Variants in NPC1L1 observed in about 807,000 individuals in gnomAD.
NPC1L1 encodes NPC1-like intracellular cholesterol transporter 1.
NPC1L1 carries 98 observed loss-of-function variants against 117.0 expected under a neutral mutation model. The observed-to-expected ratio is 0.84, with a 90% confidence interval of 0.71 to 0.99. The LOEUF (loss-of-function observed/expected upper bound fraction) is 0.99, where lower values mean the gene tolerates loss of function less well. Ranked by LOEUF, NPC1L1 falls within the 50% of genes least tolerant of loss-of-function variation. The pLI, the probability that NPC1L1 is intolerant of heterozygous loss-of-function variation, is 0.00. For missense variants in NPC1L1, 1,540 were observed against 1,710.0 expected (o/e 0.90, Z 1.75); for synonymous variants, 729 against 727.6 (o/e 1.00, Z -0.03).
In NPC1L1 at chr7:44,539,682, C is replaced by T; in HGVS notation, c.715G>A (p.Gly239Arg). Residue 239 changes from glycine to arginine, a missense_variant, in exon 2 of 19, where the codon GGG becomes AGG. Physicochemically the swap from Gly to Arg is moderately radical, Grantham distance 125 (BLOSUM62 -2). This residue lies in a region of NPC1L1 where 793 missense variants were observed against 820.4 expected (regional missense o/e 0.97). Coordinates refer to ENST00000381160, the MANE Select transcript of NPC1L1 (RefSeq NM_001101648.2). This position sits in a 1 kb window ranked among gnomAD's most constrained non-coding sequence, Gnocchi z 4.4. Reference sequence around the variant, plus strand: ...TGGGACTCATTGCAACGTGCAACCCCCTCATTCAGAGGCTGAATCCCACTC... The same window carrying T: ...TGGGACTCATTGCAACGTGCAACCCTCTCATTCAGAGGCTGAATCCCACTC... ...VGSGIQPLNE[G>R]VARCNESQGD... 1 of 1,614,052 alleles carries T rather than the reference C, an allele frequency of 6.2e-7. No individual in the cohort carries two copies. Among genetic ancestry groups the T allele is most frequent in the Non-Finnish European group, 8.5e-7 (1 of 1,180,046 alleles).
intron 5 of NPC1L1, among the ~76,000 whole-genome samples, chr7:44,535,441 A>G (rs1801850548): frequency 6.6e-6 from 1 of 151,912 alleles, no homozygotes; most frequent in Non-Finnish European, 1.5e-5. Flanking sequence ...AAGCAGGAGG[A>G]TCACTTGTGC....
rs1468163727 is a variant in NPC1L1, at chr7:44,538,785, C to A, written c.1580+32G>T. ...TGGCAGCCCAGCCCCAGCCCCAGCCCACTCCTCGCTTGGGCCCCACCATGG... is the reference window on the plus strand; with the variant it reads ...TGGCAGCCCAGCCCCAGCCCCAGCCAACTCCTCGCTTGGGCCCCACCATGG... On this transcript the variant is annotated intron_variant, in intron 2 of 18. Coordinates refer to ENST00000381160, the MANE Select transcript of NPC1L1 (RefSeq NM_001101648.2). This position sits in a 1 kb window ranked among gnomAD's most constrained non-coding sequence, Gnocchi z 5.9. 6.2e-7 allele frequency: 1 copy of A among 1,610,172 alleles called. No homozygotes were observed. Among genetic ancestry groups the A allele is most frequent in the African/African-American group, 1.3e-5 (1 of 74,860 alleles).
chr7:44,540,036 C>A lies in NPC1L1; in HGVS notation c.361G>T (p.Val121Leu). 3.1e-6 allele frequency: 5 copies of A among 1,614,208 alleles called. No homozygotes were observed. The highest frequency in any genetic ancestry group is 4.2e-6 in the Non-Finnish European group (5 of 1,180,044). Reference sequence around the variant, plus strand: ...CACGTGTTGTGGCAGTGCAGGTTCACAAAATTGTCAGAGCAGGCTGGGCAG... The same window carrying A: ...CACGTGTTGTGGCAGTGCAGGTTCAAAAAATTGTCAGAGCAGGCTGGGCAG... ...TRCPACSDNF[V>L]NLHCHNTCSP... Residue 121 changes from valine (V) to leucine (L), a missense_variant, in exon 2 of 19, where the codon GTG becomes TTG. Physicochemically the swap from Val to Leu is conservative, Grantham distance 32. Coordinates refer to ENST00000381160, the MANE Select transcript of NPC1L1 (RefSeq NM_001101648.2).
intron 8 of NPC1L1, 87 bp downstream of exon 8, chr7:44,533,344 A>T (rs1801759620): frequency 2.6e-6 from 4 of 1,547,198 alleles, no homozygotes; most frequent in South Asian, 1.1e-5. Context: ...TCTCTGGGCC[A>T]TCTCTGTGGT....
At position 44,513,364 on chromosome 7, in the gene NPC1L1, G is replaced by A. The variant is rs1037628500; in HGVS notation, c.*83C>T. 3.6e-5 allele frequency: 47 copies of A among 1,303,376 alleles called. No individual in the cohort carries two copies. The highest frequency in any genetic ancestry group is 4.7e-5 in the Non-Finnish European group (42 of 900,392). 80.7% of individuals were successfully genotyped at this position (1,303,376 alleles called of 1,614,324 possible). ...GCCTCCCCTAGGATTTGAGGAGGGCGTGTGTCAAGGGGCAGTCACAAGGAA... is the reference window on the plus strand; with the variant it reads ...GCCTCCCCTAGGATTTGAGGAGGGCATGTGTCAAGGGGCAGTCACAAGGAA... On this transcript the variant is annotated 3_prime_UTR_variant, in exon 19 of 19. Coordinates refer to ENST00000381160, the MANE Select transcript of NPC1L1 (RefSeq NM_001101648.2).
Position 44,539,551 on chromosome 7 carries a change from C to G in NPC1L1, c.846G>C (p.Pro282=). 1 of 1,614,016 alleles carries G rather than the reference C, an allele frequency of 6.2e-7. No homozygotes were observed. Among genetic ancestry groups the G allele is most frequent in the Non-Finnish European group, 8.5e-7 (1 of 1,179,980 alleles). The stretch of plus-strand genomic sequence containing the variant: ...GGATGATGATGAGGACCAGACTGCC[C>G]GGCATCTGGCCCAGGTAGAAGGTGG... ...LDSTFYLGQM[P]GSLVLIIILC... Residue 282 remains proline, a synonymous_variant, in exon 2 of 19, where the codon CCG becomes CCC. Coordinates refer to ENST00000381160, the MANE Select transcript of NPC1L1 (RefSeq NM_001101648.2). The surrounding 1 kb of genome is among the most constrained non-coding windows in gnomAD (Gnocchi z 4.4).
intron 1 of NPC1L1, 63 bp from the exon 2 acceptor site, chr7:44,540,405 G>A (rs1802062698): frequency 1.4e-6 from 2 of 1,473,182 alleles, no homozygotes; most frequent in East Asian, 4.5e-5. Flanking sequence ...CAGGCAGCAG[G>A]CAGCCAGGGA....
At chr7:44,519,087 T>C (rs979885234) in intron 14 of NPC1L1, among the ~76,000 whole-genome samples, 1 of 151,840 alleles carries the variant, frequency 6.6e-6, no homozygotes, top group African/African-American at 2.4e-5. Flanking sequence ...ATCTGGCTTT[T>C]TTGCCCAGGC....
At chr7:44,517,523 T>C (rs557863141) in intron 14 of NPC1L1, among the ~76,000 whole-genome samples, 166 bp from the exon 15 acceptor site, 19 of 152,302 alleles carry the variant, frequency 1.2e-4, no homozygotes, top group African/African-American at 4.3e-4. Flanking sequence ...AAGAGGCCCA[T>C]ATTTTTGTTT....
chr7:44,534,728 C>G lies in NPC1L1; in HGVS notation c.1984-99G>C. ...AGACAAAGTAGCCGGCAGGCACCCT[C>G]AGTGCCTGCAGGTGCCCGATACTGC... is the stretch of plus-strand genomic sequence containing the variant. On this transcript the variant is annotated intron_variant, in intron 5 of 18. Transcript: ENST00000381160. The surrounding 1 kb of genome is among the most constrained non-coding windows in gnomAD (Gnocchi z 5.2). 6 of 1,270,562 alleles carry G rather than the reference C, an allele frequency of 4.7e-6. No individual in the cohort carries two copies. The highest frequency in any genetic ancestry group is 6.7e-6 in the Non-Finnish European group (6 of 890,064). 78.7% of individuals were successfully genotyped at this position (1,270,562 alleles called of 1,614,324 possible). A position where few individuals can be genotyped will look rare whatever the true frequency, so the allele number is the denominator to read the frequency against.
Position 44,516,834 on chromosome 7 carries a change from G to A in NPC1L1, c.3388C>T (p.Leu1130=). ...CCGGAGCGCAGGTCCAGGCCCAGCA[G>A]GAGGCAGGAGACAGCGAAGGTGGGC... is the stretch of plus-strand genomic sequence containing the variant. ...LVPTFAVSCL[L]LGLDLRSGLL... is the part of the protein sequence containing the mutation. The change falls in exon 16 of 19, where the codon CTG becomes TTG. Residue 1130 remains leucine, a synonymous_variant. Coordinates refer to ENST00000381160, the MANE Select transcript of NPC1L1 (RefSeq NM_001101648.2). 6.2e-7 allele frequency: 1 copy of A among 1,614,226 alleles called. No homozygotes were observed. Among genetic ancestry groups the A allele is most frequent in the East Asian group, 2.2e-5 (1 of 44,880 alleles).
chr7:44,536,783 T>C lies in NPC1L1; in HGVS notation c.1681+59A>G, dbSNP rs1432805787. On this transcript the variant is annotated intron_variant, in intron 3 of 18. Coordinates refer to ENST00000381160, the MANE Select transcript of NPC1L1 (RefSeq NM_001101648.2). The surrounding 1 kb of genome is among the most constrained non-coding windows in gnomAD (Gnocchi z 4.7). ...AGCACCACTCCCACCCTCCCGTCTATGGTTCCTGCCCCAATACTGCATCTT... is the reference window on the plus strand; with the variant it reads ...AGCACCACTCCCACCCTCCCGTCTACGGTTCCTGCCCCAATACTGCATCTT... The C allele has an allele frequency of 2.1e-6, 3 of 1,456,532 alleles. No homozygotes were observed. Among genetic ancestry groups the C allele is most frequent in the East Asian group, 2.3e-5 (1 of 44,002 alleles). 90.2% of individuals were successfully genotyped at this position (1,456,532 alleles called of 1,614,324 possible).
chr7:44,517,251 C>G lies in NPC1L1; in HGVS notation c.3243G>C (p.Arg1081=). 1 of 1,614,192 alleles carries G rather than the reference C, an allele frequency of 6.2e-7. No homozygotes were observed. Among genetic ancestry groups the G allele is most frequent in the South Asian group, 1.1e-5 (1 of 91,084 alleles). Residue 1081 remains arginine, a synonymous_variant, in exon 15 of 19, where the codon CGG becomes CGC. Transcript: ENST00000381160. Reference sequence around the variant, plus strand: ...AAGCCGGGTCTGTTCCAGGCACTTTCCGCAGGTCAGCAGTGATGTTGGCTG... The same window carrying G: ...AAGCCGGGTCTGTTCCAGGCACTTTGCGCAGGTCAGCAGTGATGTTGGCTG... ...ELAANITADL[R]KVPGTDPAFE...
chr7:44,515,483 T>G (rs1275978129), intron 18 of NPC1L1, among the ~76,000 whole-genome samples: 1 of 152,218 alleles, frequency 6.6e-6, no homozygotes, highest in Non-Finnish European at 1.5e-5. Context: ...TGCCCGTGCA[T>G]GTCACCTCTC....
chr7:44,539,879 C>T lies in NPC1L1; in HGVS notation c.518G>A (p.Ser173Asn). The stretch of plus-strand genomic sequence containing the variant: ...GGCAGCTGCAGGGACGCGCACACGG[C>T]TGCAGGAGTCATAGCTCTGCTCGGC... ...SFAEQSYDSC[S>N]RVRVPAAATL... The change falls in exon 2 of 19, where the codon AGC becomes AAC. Residue 173 changes from serine (S) to asparagine (N), a missense_variant. Ser to Asn is a conservative substitution (Grantham distance 46, BLOSUM62 1). This residue lies in a region of NPC1L1 where 793 missense variants were observed against 820.4 expected (regional missense o/e 0.97). Transcript: ENST00000381160. The surrounding 1 kb of genome is among the most constrained non-coding windows in gnomAD (Gnocchi z 4.4). The T allele has an allele frequency of 6.2e-7, 1 of 1,614,074 alleles. No individual in the cohort carries two copies. The highest frequency in any genetic ancestry group is 8.5e-7 in the Non-Finnish European group (1 of 1,180,030).
Position 44,521,913 on chromosome 7 carries a change from C to T in NPC1L1, c.2829-77G>A, listed in dbSNP as rs554983604. ...GGTCCTTCTCGTGGCCCAACCCCCA[C>T]GCAGCCCTCCCCAGGCATACGGCAG... is the stretch of plus-strand genomic sequence containing the variant. On this transcript the variant is annotated intron_variant, in intron 11 of 18. Transcript: ENST00000381160. 6.1e-5 allele frequency: 98 copies of T among 1,607,428 alleles called. 1 individual carries two copies. Among genetic ancestry groups the T allele is most frequent in the Middle Eastern group, 1.9e-4 (1 of 5,234 alleles).
intron 16 of NPC1L1, among the ~76,000 whole-genome samples, chr7:44,516,501 G>C (rs1214547633): frequency 6.6e-6 from 1 of 152,166 alleles, no homozygotes. Context: ...GGCTACTTTG[G>C]AGGCTGAGGT....
At chr7:44,523,314 C>T (rs927663813) in intron 10 of NPC1L1, among the ~76,000 whole-genome samples, 1 of 152,170 alleles carries the variant, frequency 6.6e-6, no homozygotes, top group African/African-American at 2.4e-5. Context: ...TCTCGGCCTC[C>T]CAAATGGCTG....
In NPC1L1 at chr7:44,534,072, T is replaced by A. The variant is rs1478301371; in HGVS notation, c.2167-219A>T. Among the ~76,000 whole-genome samples the A allele has an allele frequency of 6.6e-6, 1 of 152,068 alleles. No homozygotes were observed. Among genetic ancestry groups the A allele is most frequent in the Non-Finnish European group, 1.5e-5 (1 of 67,994 alleles). On this transcript the variant is annotated intron_variant, in intron 6 of 18. Transcript: ENST00000381160. This position sits in a 1 kb window ranked among gnomAD's most constrained non-coding sequence, Gnocchi z 5.2. ...TGGTGCATTTGAGATGTCTATAGCA[T>A]CCCTGTTCCAAGCACTGTTGGAACC...
Sources: allele counts gnomAD v4.1 joint callset (sites outside exome capture counted in the v4.1 genomes callset), GRCh38; gene constraint gnomAD v4.1.1; regional missense constraint gnomAD v4.1.1; non-coding constraint Gnocchi (gnomAD v3.1); transcripts MANE v1.5; gene names NCBI Gene and HGNC (gene_info 2026-07-23, HGNC 2026-07-21).